Variants in HAVCR2 observed in about 807,000 individuals in gnomAD.
The protein encoded by HAVCR2 is hepatitis A virus cellular receptor 2, also known as T cell immunoglobulin mucin 3.
A neutral mutation model predicts 24.7 loss-of-function variants in HAVCR2; 13 were observed. The observed-to-expected ratio is 0.53, with a 90% CI of 0.34 to 0.84. The LOEUF (loss-of-function observed/expected upper bound fraction) is 0.84, where lower values mean the gene tolerates loss of function less well. HAVCR2 is among the 40% of genes least tolerant of loss of function. HAVCR2 has a pLI of 0.01. For missense variants in HAVCR2, 343 were observed against 371.2 expected, an observed-to-expected ratio of 0.92 and a Z score of 0.62; for synonymous variants, 154 against 143.4, an observed-to-expected ratio of 1.07 and a Z score of -0.53.
intron 3 of HAVCR2, among the ~76,000 whole-genome samples, chr5:157,102,763 C>T (rs1281586183): frequency 6.6e-6 from 1 of 151,438 alleles, no homozygotes; most frequent in Non-Finnish European, 1.5e-5. Context: ...GGTGAAACCC[C>T]GTCTCTAATA....
chr5:157,107,889 G>C (rs1350031778), intron 1 of HAVCR2, among the ~76,000 whole-genome samples: 2 of 135,142 alleles, frequency 1.5e-5, no homozygotes, highest in Non-Finnish European at 3.1e-5. Context: ...TGAAAACTGA[G>C]TGCTTCTCAA....
intron 1 of HAVCR2, 43 bp from the exon 2 acceptor site, chr5:157,107,005 G>A: frequency 2.0e-6 from 3 of 1,513,014 alleles, no homozygotes; most frequent in African/African-American, 1.4e-5. Context: ...AGCGGTGAGT[G>A]AGGTTACTCC....
chr5:157,100,464 C>G (rs1425394308), intron 3 of HAVCR2, among the ~76,000 whole-genome samples: 1 of 152,154 alleles, frequency 6.6e-6, no homozygotes, highest in African/African-American at 2.4e-5. Flanking sequence ...TGAATATGCA[C>G]TATGCCCTTA....
intron 2 of HAVCR2, among the ~76,000 whole-genome samples, chr5:157,105,265 T>G (rs960492962): frequency 6.6e-6 from 1 of 152,158 alleles, no homozygotes; most frequent in Non-Finnish European, 1.5e-5. Context: ...GGTTTCTCCA[T>G]GTTGGTCAGA....
At chr5:157,095,095 A>G (rs1375526317) in intron 5 of HAVCR2, among the ~76,000 whole-genome samples, 2 of 152,224 alleles carry the variant, frequency 1.3e-5, no homozygotes, top group African/African-American at 4.8e-5. Context: ...ATGATGATAA[A>G]ATGTATGTAA....
intron 4 of HAVCR2, among the ~76,000 whole-genome samples, chr5:157,097,200 G>A (rs907877443): frequency 2.6e-5 from 4 of 151,376 alleles, no homozygotes; most frequent in African/African-American, 9.7e-5. Flanking sequence ...GAATACACAA[G>A]CAAGAAACTG....
chr5:157,108,482 A>G (rs1757283433), intron 1 of HAVCR2, among the ~76,000 whole-genome samples: 2 of 152,140 alleles, frequency 1.3e-5, no homozygotes, highest in African/African-American at 4.8e-5. Flanking sequence ...GTGAGACTCC[A>G]TCTCAATTGA....
At chr5:157,104,599 C>T (rs1379647241) in intron 3 of HAVCR2, 67 bp downstream of exon 3, 1 of 1,118,708 alleles carries the variant, frequency 8.9e-7, no homozygotes, top group Non-Finnish European at 1.3e-6. Context: ...TCTTTTTTTC[C>T]CACATTCAAA....
At chr5:157,098,407 A>T (rs1288437925) in intron 4 of HAVCR2, among the ~76,000 whole-genome samples, 2 of 119,428 alleles carry the variant, frequency 1.7e-5, no homozygotes, top group South Asian at 2.7e-4. Flanking sequence ...AATTCTGTCT[A>T]AAAAAAAAAA....
In HAVCR2 at chr5:157,092,878, C is replaced by CAAAAAAAAAAAAAAAAA. The variant is rs556443053; in HGVS notation, c.676+2411_676+2427dup. Among the ~76,000 whole-genome samples the CAAAAAAAAAAAAAAAAA allele has an allele frequency of 1.1e-3, 50 of 44,042 alleles. 7 individuals carry two copies. The highest frequency in any genetic ancestry group is 0.04 in the Middle Eastern group (2 of 50). 28.9% of individuals were successfully genotyped at this position (44,042 alleles called of 152,430 possible). On this transcript the variant is annotated intron_variant, in intron 5 of 6. Coordinates refer to ENST00000307851, the MANE Select transcript of HAVCR2 (RefSeq NM_032782.5). The stretch of plus-strand genomic sequence containing the variant: ...CAACATGGCAAAACCCTGTCTCTAC[C>CAAAAAAAAAAAAAAAAA]AAAAAAAAAAAAAAAAAAAAAAAAA...
intron 2 of HAVCR2, 39 bp from the exon 3 acceptor site, chr5:157,104,788 G>C (rs761702204): frequency 1.5e-5 from 21 of 1,410,952 alleles, no homozygotes; most frequent in Non-Finnish European, 2.0e-5. Flanking sequence ...AATTATCTGA[G>C]AGCAGAAAGC....
rs144019496 is a variant in HAVCR2 at position 157,104,682 on chromosome 5, G to A, written c.462C>T (p.Thr154=). 16 of 1,603,008 alleles carry A rather than the reference G, an allele frequency of 1.0e-5. No homozygotes were observed. The African/African-American group carries it at 1.2e-4, about 12-fold the overall frequency. The change falls in exon 3 of 7, where the codon ACC becomes ACT. Residue 154 remains threonine (T), a synonymous_variant. Transcript: ENST00000307851. ...CATAGTTACCTGGGCCATGTCCCCTGGTGGTAAGCATCCTTGGAAAGGCTG... is the reference window on the plus strand; with the variant it reads ...CATAGTTACCTGGGCCATGTCCCCTAGTGGTAAGCATCCTTGGAAAGGCTG... ...FTAAFPRMLT[T]RGHGPAETQT...
intron 2 of HAVCR2, among the ~76,000 whole-genome samples, chr5:157,105,825 G>C (rs1757239252): frequency 6.6e-6 from 1 of 152,192 alleles, no homozygotes; most frequent in Admixed American, 6.5e-5. Flanking sequence ...CTAATGCTTA[G>C]CATCTACCTC....
rs758285555 is a variant in HAVCR2, at chr5:157,104,719, C to A, written c.425G>T (p.Arg142Ile). Reference protein sequence around the residue: ...AKVTPAPTRQRDFTAAFPRML... With the variant: ...AKVTPAPTRQIDFTAAFPRML... ...CCTTGGAAAGGCTGCAGTGAAGTCT[C>A]TCTGCCGAGTCGGTGCAGGGGTGAC... The change falls in exon 3 of 7, where the codon AGA becomes ATA. Residue 142 changes from arginine (R) to isoleucine (I), a missense_variant. Coordinates refer to ENST00000307851, the MANE Select transcript of HAVCR2 (RefSeq NM_032782.5). The A allele has an allele frequency of 2.5e-6, 4 of 1,604,784 alleles. No homozygotes were observed. The African/African-American group carries it at 4.0e-5, about 16-fold the overall frequency.
chr5:157,091,311 G>A (rs1481969548), intron 5 of HAVCR2, among the ~76,000 whole-genome samples: 1 of 152,118 alleles, frequency 6.6e-6, no homozygotes, highest in Non-Finnish European at 1.5e-5. Flanking sequence ...CAGGCATGGC[G>A]GCACATGCAT....
Position 157,087,029 on chromosome 5 carries a change from A to C in HAVCR2, c.*73T>G, listed in dbSNP as rs1293662533. On this transcript the variant is annotated 3_prime_UTR_variant, in exon 7 of 7. Transcript: ENST00000307851. Reference sequence around the variant, plus strand: ...CCATAGCAGTGGACAGAACCTCCAAAACCAGTCAGGTGACACAGCTCATAG... The same window carrying C: ...CCATAGCAGTGGACAGAACCTCCAACACCAGTCAGGTGACACAGCTCATAG... 4.3e-6 allele frequency: 6 copies of C among 1,395,834 alleles called. No individual in the cohort carries two copies. In the African/African-American group the frequency reaches 7.2e-5, roughly 17 times the overall value. The allele number at this position is 1,395,834 out of a possible 1,614,324, so 86.5% of individuals were successfully genotyped here. A position where few individuals can be genotyped will look rare whatever the true frequency, so the allele number is the denominator to read the frequency against.
chr5:157,104,834 A>G lies in HAVCR2; in HGVS notation c.395-85T>C, dbSNP rs866354297. ...GAATCAAAGGGGCAGCAAGAAAAAA[A>G]TGCGAAAGACAATTAAGAAAGAGAA... On this transcript the variant is annotated intron_variant, in intron 2 of 6. Transcript: ENST00000307851. 6 of 948,370 alleles carry G rather than the reference A, an allele frequency of 6.3e-6. No homozygotes were observed. The Middle Eastern group carries it at 1.1e-3, about 166-fold the overall frequency. The allele number at this position is 948,370 out of a possible 1,614,324, so 58.7% of individuals were successfully genotyped here.
chr5:157,104,577 A>G (rs1757219167), intron 3 of HAVCR2, 89 bp downstream of exon 3: 2 of 909,154 alleles, frequency 2.2e-6, no homozygotes, highest in African/African-American at 3.3e-5. Flanking sequence ...CCACTCTCAC[A>G]CTGTTTTCTC....
At chr5:157,089,742 A>T (rs191521572) in intron 5 of HAVCR2, among the ~76,000 whole-genome samples, 2 of 152,262 alleles carry the variant, frequency 1.3e-5, no homozygotes, top group Non-Finnish European at 2.9e-5. Flanking sequence ...TTCCAGGATG[A>T]GGGAGCCCCT....
Sources: allele counts gnomAD v4.1 joint callset (sites outside exome capture counted in the v4.1 genomes callset), GRCh38; gene constraint gnomAD v4.1.1; transcripts MANE v1.5; gene names NCBI Gene and HGNC (gene_info 2026-07-23, HGNC 2026-07-21).